The following ROCK2 variants were observed in gnomAD, a reference collection of about 807,000 sequenced individuals.
ROCK2 encodes the protein rho-associated protein kinase 2.
ROCK2 carries 61 observed loss-of-function variants against 195.1 expected under a neutral mutation model. That is an observed-to-expected ratio of 0.31 (90% CI 0.25 to 0.39). The LOEUF is 0.39. ROCK2 is among the 10% of genes least tolerant of loss of function. ROCK2 has a pLI of 1.00. For synonymous variants in ROCK2, 504 were observed against 545.5 expected, an observed-to-expected ratio of 0.92 and a Z score of 1.06; for missense variants, 1,109 against 1,637.4, an observed-to-expected ratio of 0.68 and a Z score of 5.57.
At chr2:11,236,307 A>T (rs1269065342) in intron 4 of ROCK2, among the ~76,000 whole-genome samples, 4 of 151,974 alleles carry the variant, frequency 2.6e-5, no homozygotes, top group South Asian at 2.1e-4. Context: ...ACTATAATTT[A>T]AAAAAAACAG....
intron 3 of ROCK2, among the ~76,000 whole-genome samples, chr2:11,272,132 T>C (rs1182226441): frequency 6.6e-6 from 1 of 152,174 alleles, no homozygotes; most frequent in East Asian, 1.9e-4. Flanking sequence ...TTTTTGGTTG[T>C]TGTGTTTTCC....
At chr2:11,220,899 CTTT>C (rs768946064) in intron 9 of ROCK2, among the ~76,000 whole-genome samples, 2 of 152,182 alleles carry the variant, frequency 1.3e-5, no homozygotes, top group Non-Finnish European at 2.9e-5. Context: ...TTTTACCCTT[CTTT>C]ATGACTATAT....
Position 11,201,676 on chromosome 2 carries a change from G to A in ROCK2, c.2620-263C>T, listed in dbSNP as rs1663856446. 6.6e-6 allele frequency among the ~76,000 whole-genome samples: 1 copy of A among 152,082 alleles called. No homozygotes were observed. The highest frequency in any genetic ancestry group is 1.5e-5 in the Non-Finnish European group (1 of 68,012). ...ATTTAATAGCACAGATAGGTAAAAT[G>A]AATAAGGAGGCAAGGAAAAACATTA... On this transcript the variant is annotated intron_variant, in intron 21 of 32. Transcript: ENST00000315872. This position sits in a 1 kb window ranked among gnomAD's most constrained non-coding sequence, Gnocchi z 4.6.
intron 1 of ROCK2, among the ~76,000 whole-genome samples, chr2:11,301,454 A>T (rs1395965988): frequency 6.6e-6 from 1 of 152,046 alleles, no homozygotes; most frequent in African/African-American, 2.4e-5. Context: ...AACATAACCA[A>T]AATTAAATTA....
rs1666206993 is a variant in ROCK2 at position 11,261,013 on chromosome 2, T to G, written c.325-11215A>C. 2.0e-5 allele frequency among the ~76,000 whole-genome samples: 3 copies of G among 152,246 alleles called. No individual in the cohort carries two copies. In the South Asian group the frequency reaches 6.2e-4, roughly 31 times the overall value. On this transcript the variant is annotated intron_variant, in intron 3 of 32. Transcript: ENST00000315872. ...TAACACATACTTTCATTTGTGAGAC[T>G]GCGTAGTGGCTGGCACAATGCTAAA...
chr2:11,269,210 T>C (rs1666535657), intron 3 of ROCK2, among the ~76,000 whole-genome samples: 1 of 152,234 alleles, frequency 6.6e-6, no homozygotes. Flanking sequence ...TTTGGATAGC[T>C]GTTTTAAAGT....
Position 11,214,719 on chromosome 2 carries a change from T to C in ROCK2, c.1936+121A>G. Reference sequence around the variant, plus strand: ...ATTTTGTATCAGTGTATTTCTAATATTCTAACTTTACATAATAGTATATTC... The same window carrying C: ...ATTTTGTATCAGTGTATTTCTAATACTCTAACTTTACATAATAGTATATTC... On this transcript the variant is annotated intron_variant, in intron 16 of 32. Coordinates refer to ENST00000315872, the MANE Select transcript of ROCK2 (RefSeq NM_004850.5). The C allele has an allele frequency of 4.2e-6, 4 of 942,182 alleles. No individual in the cohort carries two copies. The South Asian group carries it at 5.4e-5, about 13-fold the overall frequency. The allele number at this position is 942,182 out of a possible 1,614,324, so 58.4% of individuals were successfully genotyped here.
In ROCK2 at chr2:11,235,963, C is replaced by A; in HGVS notation, c.463-1G>T. The A allele has an allele frequency of 7.1e-7, 1 of 1,407,138 alleles. No individual in the cohort carries two copies. Among genetic ancestry groups the A allele is most frequent in the Non-Finnish European group, 9.3e-7 (1 of 1,073,132 alleles). The allele number at this position is 1,407,138 out of a possible 1,614,324, so 87.2% of individuals were successfully genotyped here. A position where few individuals can be genotyped will look rare whatever the true frequency, so the allele number is the denominator to read the frequency against. ...TATCATCTTGAAAGGCATAAAAAAG[C>A]TGGAAAACAAAAGGAAAAGGAAAAA... On this transcript the variant is annotated splice_acceptor_variant, in intron 4 of 32. Coordinates refer to ENST00000315872, the MANE Select transcript of ROCK2 (RefSeq NM_004850.5). LOFTEE classifies it high-confidence loss of function. This position sits in a 1 kb window ranked among gnomAD's most constrained non-coding sequence, Gnocchi z 4.2.
chr2:11,338,900 A>G (rs989890809), intron 1 of ROCK2, among the ~76,000 whole-genome samples: 3 of 144,074 alleles, frequency 2.1e-5, no homozygotes, highest in Non-Finnish European at 4.6e-5. Context: ...AAGTCAAAGT[A>G]ATCTTTACTG....
rs759293945 is a variant in ROCK2, at chr2:11,192,180, C to G, written c.4131G>C (p.Arg1377=). The change falls in exon 32 of 33, where the codon CGG becomes CGC. Residue 1377 remains arginine, a synonymous_variant. Coordinates refer to ENST00000315872, the MANE Select transcript of ROCK2 (RefSeq NM_004850.5). The surrounding 1 kb of genome is among the most constrained non-coding windows in gnomAD (Gnocchi z 5.0). The part of the protein sequence containing the change: ...MKIQQNQSIR[R]PSRQLAPNKP... ...TGTTTGGGGCAAGCTGTCGACTTGG[C>G]CGTCTAATAGACTGGTTTTGCTGTA... 1 of 1,610,772 alleles carries G rather than the reference C, an allele frequency of 6.2e-7. No individual in the cohort carries two copies. Among genetic ancestry groups the G allele is most frequent in the Non-Finnish European group, 8.5e-7 (1 of 1,178,656 alleles).
chr2:11,212,629 T>G (rs1664289459), intron 17 of ROCK2, among the ~76,000 whole-genome samples: 1 of 152,164 alleles, frequency 6.6e-6, no homozygotes, highest in Admixed American at 6.6e-5. Context: ...AAAGGTTTTC[T>G]AATTCTTTGA....
chr2:11,199,370 A>T (rs998555910), intron 23 of ROCK2, among the ~76,000 whole-genome samples: 1 of 150,932 alleles, frequency 6.6e-6, no homozygotes, highest in Non-Finnish European at 1.5e-5. Context: ...GCTGGAGTGC[A>T]ATGGCGTGCG....
At chr2:11,261,603 G>C (rs921771394) in intron 3 of ROCK2, among the ~76,000 whole-genome samples, 10 of 152,222 alleles carry the variant, frequency 6.6e-5, no homozygotes, top group Middle Eastern at 6.8e-3. Context: ...TGGATCATGA[G>C]GTCAGCAGTT....
At chr2:11,229,917 C>T (rs974829075) in intron 5 of ROCK2, among the ~76,000 whole-genome samples, 32 of 151,824 alleles carry the variant, frequency 2.1e-4, no homozygotes, top group Admixed American at 1.1e-3. Context: ...TTACTGTTCA[C>T]GAAAGAAATT....
At chr2:11,345,255 G>T (rs750650940), upstream of ROCK2, among the ~76,000 whole-genome samples, 2 of 152,224 alleles carry the variant, frequency 1.3e-5, no homozygotes, top group Non-Finnish European at 2.9e-5. Flanking sequence ...AAGCGTTTCT[G>T]CCCGGCTTAG....
chr2:11,321,482 G>A (rs1166961733), intron 1 of ROCK2, among the ~76,000 whole-genome samples: 4 of 151,370 alleles, frequency 2.6e-5, no homozygotes, highest in Admixed American at 2.0e-4. Flanking sequence ...CACTTTGGGA[G>A]GCCAAGGCAG....
At position 11,298,437 on chromosome 2, in the gene ROCK2, T is replaced by G. The variant is rs576105593; in HGVS notation, c.142-10701A>C. ...GTGAGCCAAGATCGTGCCACTCCAC[T>G]CCAGCCTGAACAACAGAGTGAGACT... On this transcript the variant is annotated intron_variant, in intron 1 of 32. Coordinates refer to ENST00000315872, the MANE Select transcript of ROCK2 (RefSeq NM_004850.5). Among the ~76,000 whole-genome samples, 11 of 114,998 alleles carry G rather than the reference T, an allele frequency of 9.6e-5. No individual in the cohort carries two copies. In the South Asian group the frequency reaches 3.4e-3, roughly 35 times the overall value. 75.4% of individuals were successfully genotyped at this position (114,998 alleles called of 152,430 possible). A position where few individuals can be genotyped will look rare whatever the true frequency, so the allele number is the denominator to read the frequency against.
chr2:11,199,466 C>T (rs1663772956), intron 23 of ROCK2, among the ~76,000 whole-genome samples: 1 of 151,378 alleles, frequency 6.6e-6, no homozygotes, highest in Admixed American at 6.6e-5. Flanking sequence ...GGACTATAGG[C>T]ATGAACCACC....
intron 9 of ROCK2, among the ~76,000 whole-genome samples, 167 bp from the exon 10 acceptor site, chr2:11,219,193 A>C (rs1359810435): frequency 6.6e-6 from 1 of 151,948 alleles, no homozygotes; most frequent in Non-Finnish European, 1.5e-5. Flanking sequence ...CATTTGTATC[A>C]TTTTCAATAA....
Sources: gnomAD v4.1 joint callset for allele counts (sites outside exome capture counted in the v4.1 genomes callset) on GRCh38, gnomAD v4.1.1 for gene constraint, Gnocchi (gnomAD v3.1) non-coding constraint, MANE v1.5 for transcripts, NCBI Gene and HGNC (gene_info 2026-07-23, HGNC 2026-07-21) for gene names.